Variants in LARGE1 observed in about 807,000 individuals in gnomAD.
LARGE1 encodes LARGE xylosyl- and glucuronyltransferase 1, also known as xylosyl- and glucuronyltransferase LARGE1.
LARGE1 carries 43 observed loss-of-function variants against 87.6 expected under a neutral mutation model. The ratio of observed to expected loss-of-function variants is 0.49; its 90% CI spans 0.38 to 0.63. LARGE1 has a LOEUF of 0.63. Among genes scored for constraint, LARGE1 ranks in the 30% least tolerant of loss-of-function variants. The pLI is 0.00. For synonymous variants in LARGE1, 434 were observed against 394.6 expected (o/e 1.10, Z -1.18); for missense variants, 802 against 1,000.2 (o/e 0.80, Z 2.67).
rs186109608 is a variant in LARGE1 at position 33,273,566 on chromosome 22, G to A, written c.*861C>T. On this transcript the variant is annotated 3_prime_UTR_variant, in exon 15 of 15. Coordinates refer to ENST00000397394, the MANE Select transcript of LARGE1 (RefSeq NM_133642.5). ...TAAAACAGCCAGCCCTCGTAATTCCGCAGTCCCCATCGCTATAGCCCCTGG... is the reference window on the plus strand; with the variant it reads ...TAAAACAGCCAGCCCTCGTAATTCCACAGTCCCCATCGCTATAGCCCCTGG... 3.0e-5 allele frequency: 12 copies of A among 398,670 alleles called. No homozygotes were observed. Among genetic ancestry groups the A allele is most frequent in the Middle Eastern group, 6.3e-4 (1 of 1,586 alleles). The allele number at this position is 398,670 out of a possible 1,614,324, so 24.7% of individuals were successfully genotyped here. A position where few individuals can be genotyped will look rare whatever the true frequency, so the allele number is the denominator to read the frequency against.
chr22:33,661,217 ATTT>A (rs11356402), intron 2 of LARGE1, among the ~76,000 whole-genome samples: 3 of 142,016 alleles, frequency 2.1e-5, no homozygotes, highest in African/African-American at 2.6e-5. Flanking sequence ...AGGTTCTATG[ATTT>A]TTTTTTTTTT....
At chr22:33,067,849 G>A in the LARGE1 span, among the ~76,000 whole-genome samples, 86 of 152,136 alleles carry the variant, frequency 5.7e-4, 3 homozygotes, top group South Asian at 0.01. Flanking sequence ...GCGTGGTGGC[G>A]GGCACCTGTG....
intron 2 of LARGE1, among the ~76,000 whole-genome samples, chr22:33,713,972 G>GTAACGTAACGTAACGTAACA (rs1426662781): frequency 1.7e-5 from 2 of 119,632 alleles, no homozygotes; most frequent in Non-Finnish European, 3.6e-5. Context: ...AGTAAATAAC[G>GTAACGTAACGTAACGTAACA]TAACATAACG....
chr22:33,738,844 CAA>C (rs546110880), intron 2 of LARGE1, among the ~76,000 whole-genome samples: 29 of 74,268 alleles, frequency 3.9e-4, no homozygotes, highest in Middle Eastern at 8.3e-3. Flanking sequence ...GACTCCGTCT[CAA>C]AAAAAAAAAA....
downstream of LARGE1, among the ~76,000 whole-genome samples, chr22:33,160,750 T>C (rs1376960693): frequency 2.0e-5 from 3 of 152,296 alleles, no homozygotes; most frequent in Non-Finnish European, 4.4e-5. Context: ...CCAGACATAG[T>C]GATAGACCCT....
chr22:33,481,525 G>A (rs886734356), intron 6 of LARGE1, among the ~76,000 whole-genome samples: 3 of 151,882 alleles, frequency 2.0e-5, no homozygotes, highest in African/African-American at 7.3e-5. Context: ...ATGGTGTTTT[G>A]TTACCTCTTC....
chr22:33,882,441 C>G (rs369199582), intron 1 of LARGE1, among the ~76,000 whole-genome samples: 2 of 152,150 alleles, frequency 1.3e-5, no homozygotes, highest in East Asian at 1.9e-4. Flanking sequence ...GATGCCCCCC[C>G]ACACCCAGTT....
At chr22:33,846,740 G>A (rs9621781) in intron 1 of LARGE1, among the ~76,000 whole-genome samples, 21,683 of 152,122 alleles carry the variant, frequency 0.14, 1,662 homozygotes, top group South Asian at 0.28. Flanking sequence ...TATGGTCAAG[G>A]CTGTAGGGGT....
At chr22:33,211,001 C>T (rs949591589) in intron 11 of LARGE1, among the ~76,000 whole-genome samples, 2 of 152,202 alleles carry the variant, frequency 1.3e-5, no homozygotes, top group African/African-American at 4.8e-5. Flanking sequence ...GGCAACCCTG[C>T]ATTGAGCAAG....
chr22:33,857,339 C>T (rs1235895303), intron 1 of LARGE1, among the ~76,000 whole-genome samples: 1 of 152,176 alleles, frequency 6.6e-6, no homozygotes, highest in Non-Finnish European at 1.5e-5. Context: ...CCATTGGGAG[C>T]TTTTGATACC....
At chr22:33,166,556 A>G (rs944934993) in exon 12 of LARGE1, 8 of 345,800 alleles carry the variant, frequency 2.3e-5, no homozygotes, top group African/African-American at 2.2e-5. Context: ...ATCTTTCCAC[A>G]GGGATGTTCA....
intron 7 of LARGE1, among the ~76,000 whole-genome samples, chr22:33,392,311 T>C (rs1312367049): frequency 6.6e-6 from 1 of 152,140 alleles, no homozygotes; most frequent in African/African-American, 2.4e-5. Context: ...CAGATCCTTA[T>C]TTGTAATATA....
the LARGE1 span, among the ~76,000 whole-genome samples, chr22:33,093,183 T>C: frequency 6.6e-6 from 1 of 152,186 alleles, no homozygotes. Flanking sequence ...CAGAACATCA[T>C]GGGCACAGCT....
chr22:33,364,346 T>C (rs138022902), intron 9 of LARGE1, among the ~76,000 whole-genome samples: 11,489 of 152,144 alleles, frequency 0.076, 507 homozygotes, highest in South Asian at 0.14. Context: ...CGTGAGCCAC[T>C]GTGTCCGGCC....
intron 1 of LARGE1, among the ~76,000 whole-genome samples, chr22:33,880,716 T>C (rs2064653418): frequency 6.6e-6 from 1 of 152,160 alleles, no homozygotes; most frequent in Admixed American, 6.5e-5. Flanking sequence ...AATCTTCAAC[T>C]AGGTGTTGCT....
chr22:33,178,021 G>A (rs1243218279), intron 11 of LARGE1, among the ~76,000 whole-genome samples: 16 of 152,194 alleles, frequency 1.1e-4, no homozygotes, highest in East Asian at 7.7e-4. Flanking sequence ...CCATGATTGC[G>A]AGATTCCTGA....
chr22:33,557,269 C>T (rs1456880288), intron 6 of LARGE1, among the ~76,000 whole-genome samples: 1 of 152,074 alleles, frequency 6.6e-6, no homozygotes, highest in Non-Finnish European at 1.5e-5. Context: ...CCAATTCTGC[C>T]AGGGAAAAAA....
intron 11 of LARGE1, among the ~76,000 whole-genome samples, chr22:33,308,870 A>G (rs941321552): frequency 6.6e-6 from 1 of 152,190 alleles, no homozygotes; most frequent in Non-Finnish European, 1.5e-5. Context: ...CTTGGATTTG[A>G]GGGTTAAATG....
chr22:33,835,715 T>C (rs752812349), intron 1 of LARGE1, among the ~76,000 whole-genome samples: 5 of 152,348 alleles, frequency 3.3e-5, no homozygotes, highest in Non-Finnish European at 1.5e-5. Context: ...AATTCCAAGC[T>C]TCCTTTTATC....
Sources: allele counts gnomAD v4.1 joint callset (sites outside exome capture counted in the v4.1 genomes callset), GRCh38; gene constraint gnomAD v4.1.1; transcripts MANE v1.5; gene names NCBI Gene and HGNC (gene_info 2026-07-23, HGNC 2026-07-21).